The following TCTA variants were observed in gnomAD, a reference collection of about 807,000 sequenced individuals.
TCTA encodes T-cell leukemia translocation-altered gene protein.
TCTA carries 13 observed loss-of-function variants against 13.5 expected under a neutral mutation model. The ratio of observed to expected loss-of-function variants is 0.96; its 90% CI spans 0.63 to 1.53. The LOEUF is 1.53. Among genes scored for constraint, TCTA ranks in the 40% most tolerant of loss-of-function variants. The pLI, the probability that TCTA is intolerant of heterozygous loss-of-function variation, is 0.00. For missense variants in TCTA, 138 were observed against 131.3 expected (o/e 1.05, Z -0.25); for synonymous variants, 58 against 59.0 (o/e 0.98, Z 0.08).
At chr3:49,414,163 C>T (rs1180995665) in intron 2 of TCTA, among the ~76,000 whole-genome samples, 1 of 151,862 alleles carries the variant, frequency 6.6e-6, no homozygotes, top group African/African-American at 2.4e-5. Context: ...ATCACTTGAA[C>T]CCAGGAGGCA....
rs368595914 is a variant in TCTA, at chr3:49,412,657, A to G, written c.214+17A>G. 2.0e-4 allele frequency: 316 copies of G among 1,609,464 alleles called. No individual in the cohort carries two copies. Among genetic ancestry groups the G allele is most frequent in the African/African-American group, 1.8e-3 (132 of 74,700 alleles). On this transcript the variant is annotated intron_variant, in intron 1 of 2. Coordinates refer to ENST00000273590, the MANE Select transcript of TCTA (RefSeq NM_022171.3). The stretch of plus-strand genomic sequence containing the variant: ...ACCGTCCAGGTGAGGCTTCCTACGA[A>G]CCTCCGTGGGCTGGCCGCCCCCGCC...
Position 49,414,820 on chromosome 3 carries a change from G to C in TCTA, c.270G>C (p.Trp90Cys). ...TCTTCTCTCTCTCCATCACTTTCAG[G>C]GAAATGGCAGCAAACGAACCTCTCA... ...TPDGSTHFPSWEMAANEPLKT... is the reference protein window; with the variant it reads ...TPDGSTHFPSCEMAANEPLKT... The change falls in exon 3 of 3, where the codon TGG becomes TGC. Residue 90 changes from tryptophan (W) to cysteine (C), a missense_variant and splice_region_variant. By Grantham distance (215) the Trp-to-Cys change is radical. Coordinates refer to ENST00000273590, the MANE Select transcript of TCTA (RefSeq NM_022171.3). 6.2e-7 allele frequency: 1 copy of C among 1,613,824 alleles called. No homozygotes were observed.
At position 49,415,004 on chromosome 3, in the gene TCTA, C is replaced by T; in HGVS notation, c.*142C>T. On this transcript the variant is annotated 3_prime_UTR_variant, in exon 3 of 3. Coordinates refer to ENST00000273590, the MANE Select transcript of TCTA (RefSeq NM_022171.3). The stretch of plus-strand genomic sequence containing the variant: ...AGTACCCAGTGCCTACAGGGCTGGG[C>T]CTCTTCTGCCTCTTAAGCCTGCTCC... 1.1e-6 allele frequency: 1 copy of T among 910,324 alleles called. No homozygotes were observed. 56.4% of individuals were successfully genotyped at this position (910,324 alleles called of 1,614,324 possible). A position where few individuals can be genotyped will look rare whatever the true frequency, so the allele number is the denominator to read the frequency against.
chr3:49,415,103 T>C lies in TCTA; in HGVS notation c.*241T>C. On this transcript the variant is annotated 3_prime_UTR_variant, in exon 3 of 3. Coordinates refer to ENST00000273590, the MANE Select transcript of TCTA (RefSeq NM_022171.3). ...GGTGCCTTAAGGAGAGAGATTGTGT[T>C]CTTCCTCTCTCAGGGGTGATAACTC... 2.0e-6 allele frequency: 1 copy of C among 504,170 alleles called. No homozygotes were observed. Among genetic ancestry groups the C allele is most frequent in the Non-Finnish European group, 3.6e-6 (1 of 279,946 alleles). 31.2% of individuals were successfully genotyped at this position (504,170 alleles called of 1,614,324 possible).
In TCTA at chr3:49,415,254, C is replaced by T. The variant is rs568527275; in HGVS notation, c.*392C>T. On this transcript the variant is annotated 3_prime_UTR_variant, in exon 3 of 3. Coordinates refer to ENST00000273590, the MANE Select transcript of TCTA (RefSeq NM_022171.3). Reference sequence around the variant, plus strand: ...TGAGTTGGCCAGGCATGGTGGCTCACGCCTGTAATCCCAACACTTTGGGAG... The same window carrying T: ...TGAGTTGGCCAGGCATGGTGGCTCATGCCTGTAATCCCAACACTTTGGGAG... 21 of 173,382 alleles carry T rather than the reference C, an allele frequency of 1.2e-4. No homozygotes were observed. The East Asian group carries it at 3.4e-3, about 28-fold the overall frequency. 10.7% of individuals were successfully genotyped at this position (173,382 alleles called of 1,614,324 possible).
rs1390291836 is a variant in TCTA at position 49,414,939 on chromosome 3, C to G, written c.*77C>G. The G allele has an allele frequency of 1.3e-6, 2 of 1,587,442 alleles. No homozygotes were observed. The highest frequency in any genetic ancestry group is 1.7e-6 in the Non-Finnish European group (2 of 1,158,028). On this transcript the variant is annotated 3_prime_UTR_variant, in exon 3 of 3. Transcript: ENST00000273590. Reference sequence around the variant, plus strand: ...CACTGGGTTCTGCTACTCCCCAGACCTCAGGGACAACTGCCGGGGGTTCAG... The same window carrying G: ...CACTGGGTTCTGCTACTCCCCAGACGTCAGGGACAACTGCCGGGGGTTCAG...
In TCTA at chr3:49,416,435, C is replaced by T. The variant is rs2049000367; in HGVS notation, c.*1573C>T. 2 of 286,794 alleles carry T rather than the reference C, an allele frequency of 7.0e-6. No individual in the cohort carries two copies. The allele number at this position is 286,794 out of a possible 1,614,324, so 17.8% of individuals were successfully genotyped here. A position where few individuals can be genotyped will look rare whatever the true frequency, so the allele number is the denominator to read the frequency against. On this transcript the variant is annotated 3_prime_UTR_variant, in exon 3 of 3. Transcript: ENST00000273590. Reference sequence around the variant, plus strand: ...AGAGTCAGGATCTCACATTTCACCCCAGGCTCAACTGAGGATGTGGCTTAT... The same window carrying T: ...AGAGTCAGGATCTCACATTTCACCCTAGGCTCAACTGAGGATGTGGCTTAT...
rs550838184 is a variant in TCTA, at chr3:49,413,436, C to G, written c.269+326C>G. 35 of 303,734 alleles carry G rather than the reference C, an allele frequency of 1.2e-4. 1 individual carries two copies. The highest frequency in any genetic ancestry group is 9.4e-4 in the Admixed American group (20 of 21,354). The allele number at this position is 303,734 out of a possible 1,614,324, so 18.8% of individuals were successfully genotyped here. ...GTAATCTCTGTCCTGAGCACATTGA[C>G]CTCATCAGGGTCAGCCTCCTCTTCT... On this transcript the variant is annotated intron_variant, in intron 2 of 2. Coordinates refer to ENST00000273590, the MANE Select transcript of TCTA (RefSeq NM_022171.3).
Position 49,414,989 on chromosome 3 carries a change from G to T in TCTA, c.*127G>T. Reference sequence around the variant, plus strand: ...GGGTTGGTAGCAGGGAGTACCCAGTGCCTACAGGGCTGGGCCTCTTCTGCC... The same window carrying T: ...GGGTTGGTAGCAGGGAGTACCCAGTTCCTACAGGGCTGGGCCTCTTCTGCC... On this transcript the variant is annotated 3_prime_UTR_variant, in exon 3 of 3. Coordinates refer to ENST00000273590, the MANE Select transcript of TCTA (RefSeq NM_022171.3). The T allele has an allele frequency of 3.5e-6, 4 of 1,153,118 alleles. No homozygotes were observed. The highest frequency in any genetic ancestry group is 5.0e-6 in the Non-Finnish European group (4 of 795,246). The allele number at this position is 1,153,118 out of a possible 1,614,324, so 71.4% of individuals were successfully genotyped here.
intron 1 of TCTA, 112 bp from the exon 2 acceptor site, chr3:49,412,944 C>T (rs1183868738): frequency 2.7e-6 from 3 of 1,101,612 alleles, no homozygotes; most frequent in Non-Finnish European, 2.7e-6. Flanking sequence ...CCCTTAGGAC[C>T]CTCACCAGAC....
intron 2 of TCTA, among the ~76,000 whole-genome samples, chr3:49,414,304 A>T (rs1454188442): frequency 6.6e-6 from 1 of 151,208 alleles, no homozygotes; most frequent in Non-Finnish European, 1.5e-5. Flanking sequence ...GAGACTGAGG[A>T]GGGTAGATCA....
intron 2 of TCTA, chr3:49,413,331 G>A: frequency 3.5e-6 from 2 of 567,278 alleles, no homozygotes; most frequent in African/African-American, 1.9e-5. Context: ...GATAGGTGGT[G>A]GTATTGTCAT....
In TCTA at chr3:49,414,983, C is replaced by A; in HGVS notation, c.*121C>A. The stretch of plus-strand genomic sequence containing the variant: ...GGTTCAGGGTTGGTAGCAGGGAGTA[C>A]CCAGTGCCTACAGGGCTGGGCCTCT... On this transcript the variant is annotated 3_prime_UTR_variant, in exon 3 of 3. Transcript: ENST00000273590. 8.1e-7 allele frequency: 1 copy of A among 1,241,640 alleles called. No individual in the cohort carries two copies. Among genetic ancestry groups the A allele is most frequent in the Non-Finnish European group, 1.2e-6 (1 of 867,438 alleles). The allele number at this position is 1,241,640 out of a possible 1,614,324, so 76.9% of individuals were successfully genotyped here. A position where few individuals can be genotyped will look rare whatever the true frequency, so the allele number is the denominator to read the frequency against.
At chr3:49,414,671 C>T (rs2048985912) in intron 2 of TCTA, 149 bp from the exon 3 acceptor site, 1 of 864,508 alleles carries the variant, frequency 1.2e-6, no homozygotes, top group Non-Finnish European at 1.8e-6. Context: ...CCAGGGTGGG[C>T]TGTGGGAGAC....
chr3:49,414,734 C>A, intron 2 of TCTA, 86 bp from the exon 3 acceptor site: 1 of 1,547,374 alleles, frequency 6.5e-7, no homozygotes, highest in South Asian at 1.1e-5. Flanking sequence ...GCTCAGCCCC[C>A]AAGAAGGAGC....
rs2048961868 is a variant in TCTA at position 49,412,520 on chromosome 3, C to G, written c.94C>G (p.Gln32Glu). 1 of 1,614,098 alleles carries G rather than the reference C, an allele frequency of 6.2e-7. No homozygotes were observed. The highest frequency in any genetic ancestry group is 1.7e-5 in the Admixed American group (1 of 60,012). The change falls in exon 1 of 3, where the codon CAG becomes GAG. Residue 32 changes from glutamine to glutamate, a missense_variant. Gln to Glu is a conservative substitution (Grantham distance 29). Coordinates refer to ENST00000273590, the MANE Select transcript of TCTA (RefSeq NM_022171.3). ...GSEFLREWEAQDMRVTLFKLL... is the reference protein window; with the variant it reads ...GSEFLREWEAEDMRVTLFKLL... ...CGAGTTCTTGCGGGAGTGGGAGGCG[C>G]AGGACATGCGCGTGACCCTCTTCAA...
chr3:49,413,113 G>A lies in TCTA; in HGVS notation c.269+3G>A. ...GGCTCCACGCATTTCCCTTCGTGGT[G>A]AGTAAATCTGTCCATACCGCAACCC... On this transcript the variant is annotated splice_donor_region_variant and intron_variant, in intron 2 of 2. Coordinates refer to ENST00000273590, the MANE Select transcript of TCTA (RefSeq NM_022171.3). The A allele has an allele frequency of 1.2e-6, 2 of 1,614,200 alleles. No homozygotes were observed. The highest frequency in any genetic ancestry group is 1.7e-6 in the Non-Finnish European group (2 of 1,180,032).
chr3:49,414,310 G>A (rs2048983172), intron 2 of TCTA, among the ~76,000 whole-genome samples: 1 of 151,966 alleles, frequency 6.6e-6, no homozygotes. Context: ...GAGGAGGGTA[G>A]ATCACCTGAG....
In TCTA at chr3:49,412,589, C is replaced by G; in HGVS notation, c.163C>G (p.Leu55Val). 6.2e-7 allele frequency: 1 copy of G among 1,614,248 alleles called. No homozygotes were observed. The highest frequency in any genetic ancestry group is 1.1e-5 in the South Asian group (1 of 91,084). ...GGTGTTAAGTCTCCTGGGCATCCAG[C>G]TGGCGTGGGGGTTCTACGGGAATAC... ...WLVLSLLGIQLAWGFYGNTVT... is the reference protein window; with the variant it reads ...WLVLSLLGIQVAWGFYGNTVT... Residue 55 changes from leucine (L) to valine (V), a missense_variant, in exon 1 of 3, where the codon CTG (leucine) becomes GTG (valine). Leu to Val is a conservative substitution (Grantham distance 32, BLOSUM62 1). Coordinates refer to ENST00000273590, the MANE Select transcript of TCTA (RefSeq NM_022171.3).
Sources: gnomAD v4.1 joint callset for allele counts (sites outside exome capture counted in the v4.1 genomes callset) on GRCh38, gnomAD v4.1.1 for gene constraint, MANE v1.5 for transcripts, NCBI Gene and HGNC (gene_info 2026-07-23, HGNC 2026-07-21) for gene names.